BPHL: variants seen among roughly 807,000 people sequenced by gnomAD.
BPHL encodes the protein serine hydrolase BPHL.
BPHL carries 27 observed loss-of-function variants against 31.2 expected under a neutral mutation model. That is an observed-to-expected ratio of 0.87 (90% CI 0.64 to 1.19). The LOEUF is 1.19. Among genes scored for constraint, BPHL ranks in the 50% most tolerant of loss-of-function variants. BPHL has a pLI of 0.00. For missense variants in BPHL, 356 were observed against 375.7 expected (o/e 0.95, Z 0.43); for synonymous variants, 150 against 146.8 (o/e 1.02, Z -0.16).
At chr6:3,144,333 C>T (rs999036495) in intron 6 of BPHL, among the ~76,000 whole-genome samples, 24 of 150,520 alleles carry the variant, frequency 1.6e-4, no homozygotes, top group African/African-American at 5.9e-4. Context: ...TCCCAAAGTG[C>T]TGGGATTACA....
chr6:3,138,917 G>C (rs3966779), intron 5 of BPHL: 151,666 of 152,374 alleles, frequency 1, 75,480 homozygotes, highest in East Asian at 1. Flanking sequence ...CACAGCGAGG[G>C]CCTTCGTGAT....
intron 5 of BPHL, chr6:3,138,540 A>G (rs1328580716): frequency 6.6e-6 from 1 of 152,634 alleles, no homozygotes; most frequent in African/African-American, 2.4e-5. Flanking sequence ...TTAGGTAATC[A>G]TTTCCTGCAT....
upstream of BPHL, chr6:3,118,636 G>T (rs577842476): frequency 6.4e-6 from 5 of 784,802 alleles, no homozygotes; most frequent in Non-Finnish European, 8.6e-6. Context: ...AGGATGGAGA[G>T]GCGAGGTGGG....
At chr6:3,151,581 T>TA (rs1762525644) in intron 6 of BPHL, among the ~76,000 whole-genome samples, 1 of 152,076 alleles carries the variant, frequency 6.6e-6, no homozygotes, top group African/African-American at 2.4e-5. Flanking sequence ...GTATTGAAAC[T>TA]CAAAAAATTA....
chr6:3,143,207 G>A (rs1348821970), intron 6 of BPHL, among the ~76,000 whole-genome samples: 3 of 152,018 alleles, frequency 2.0e-5, no homozygotes, highest in South Asian at 2.1e-4. Context: ...AACAAGAGCC[G>A]AAACCCTCTC....
intron 4 of BPHL, among the ~76,000 whole-genome samples, chr6:3,135,379 G>C (rs188541990): frequency 3.3e-5 from 5 of 152,292 alleles, no homozygotes; most frequent in East Asian, 1.9e-4. Flanking sequence ...GTCCGTCTAC[G>C]TGGTTCCTGC....
At position 3,129,805 on chromosome 6, in the gene BPHL, G is replaced by GT. The variant is rs112506760; in HGVS notation, c.532+625dup. 4.8e-3 allele frequency among the ~76,000 whole-genome samples: 660 copies of GT among 136,498 alleles called. 1 individual carries two copies. The highest frequency in any genetic ancestry group is 8.4e-3 in the South Asian group (35 of 4,186). 89.5% of individuals were successfully genotyped at this position (136,498 alleles called of 152,430 possible). A position where few individuals can be genotyped will look rare whatever the true frequency, so the allele number is the denominator to read the frequency against. On this transcript the variant is annotated intron_variant, in intron 4 of 6. Coordinates refer to ENST00000380379, the MANE Select transcript of BPHL (RefSeq NM_004332.4). ...GTTGTCCTTCAAGCCTGTCTTTGAG[G>GT]TTTTTTTTTTTTTTTTTTGAGTTTG...
chr6:3,119,016 G>T (rs1442993609), intron 1 of BPHL, among the ~76,000 whole-genome samples, 169 bp downstream of exon 1: 1 of 151,756 alleles, frequency 6.6e-6, no homozygotes, highest in Non-Finnish European at 1.5e-5. Flanking sequence ...CTGGGGGCCA[G>T]CCGCGCTTGG....
chr6:3,139,363 A>G (rs1762104061), intron 5 of BPHL: 1 of 152,228 alleles, frequency 6.6e-6, no homozygotes, highest in Non-Finnish European at 1.5e-5. Flanking sequence ...GCACCAAGTG[A>G]GCACTCAGGC....
chr6:3,119,631 C>T, intron 1 of BPHL: 2 of 1,376,738 alleles, frequency 1.5e-6, no homozygotes, highest in South Asian at 2.5e-5. Context: ...GCTTGTTTTA[C>T]TTTATTCTCT....
At chr6:3,118,385 A>T (rs915907302), upstream of BPHL, 1 of 207,118 alleles carries the variant, frequency 4.8e-6, no homozygotes, top group Non-Finnish European at 9.5e-6. Flanking sequence ...CGACGCAGCG[A>T]GGGCGCTATG....
upstream of BPHL, chr6:3,118,481 G>A (rs1018569234): frequency 7.1e-5 from 24 of 337,136 alleles, no homozygotes; most frequent in South Asian, 4.6e-4. Context: ...ACTCATCCCG[G>A]GAGCCAGAGC....
chr6:3,134,086 T>C (rs60617986), intron 4 of BPHL, among the ~76,000 whole-genome samples: 10,556 of 152,270 alleles, frequency 0.069, 1,015 homozygotes, highest in African/African-American at 0.21. Flanking sequence ...TGAAAATCTG[T>C]GTTTATCCAC....
intron 6 of BPHL, among the ~76,000 whole-genome samples, chr6:3,142,438 C>A (rs554178885): frequency 6.6e-6 from 1 of 152,126 alleles, no homozygotes; most frequent in African/African-American, 2.4e-5. Context: ...TTTATACAAT[C>A]TCAGTTTTTG....
At chr6:3,143,453 A>G (rs1230432824) in intron 6 of BPHL, among the ~76,000 whole-genome samples, 1 of 152,168 alleles carries the variant, frequency 6.6e-6, no homozygotes. Context: ...GCTTATTTTT[A>G]TTTTAAGCAA....
At chr6:3,144,375 T>C (rs1452363494) in intron 6 of BPHL, among the ~76,000 whole-genome samples, 83 of 76,866 alleles carry the variant, frequency 1.1e-3, no homozygotes, top group Admixed American at 2.6e-3. Flanking sequence ...CCTTCTTCTT[T>C]TTTTTTTTTT....
chr6:3,136,040 G>C lies in BPHL; in HGVS notation c.533-1322G>C, dbSNP rs145543506. ...TCCTTTGCTGTATTTTCAGGGTTCT[G>C]TTTCTCATGTGCAGACACACTCATA... On this transcript the variant is annotated intron_variant, in intron 4 of 6. Coordinates refer to ENST00000380379, the MANE Select transcript of BPHL (RefSeq NM_004332.4). Among the ~76,000 whole-genome samples the C allele has an allele frequency of 3.1e-3, 470 of 152,264 alleles. 4 individuals carry two copies. Among genetic ancestry groups the C allele is most frequent in the African/African-American group, 0.011 (438 of 41,534 alleles).
intron 6 of BPHL, among the ~76,000 whole-genome samples, chr6:3,147,281 A>AT (rs1762411863): frequency 1.3e-5 from 2 of 152,094 alleles, no homozygotes; most frequent in Non-Finnish European, 2.9e-5. Flanking sequence ...AAATAAATAA[A>AT]AAATACTCAA....
chr6:3,133,024 G>A (rs906354757), intron 4 of BPHL, among the ~76,000 whole-genome samples: 1 of 151,936 alleles, frequency 6.6e-6, no homozygotes, highest in Non-Finnish European at 1.5e-5. Flanking sequence ...TAAATTTCTT[G>A]TCATTATAAA....
Sources: allele counts gnomAD v4.1 joint callset (sites outside exome capture counted in the v4.1 genomes callset), GRCh38; gene constraint gnomAD v4.1.1; transcripts MANE v1.5; gene names NCBI Gene and HGNC (gene_info 2026-07-23, HGNC 2026-07-21).